NR5A2: variants seen among roughly 807,000 people sequenced by gnomAD.
The protein encoded by NR5A2 is nuclear receptor subfamily 5 group A member 2, also known as CYP7A promoter-binding factor.
In NR5A2, 26 loss-of-function variants were observed where a neutral mutation model predicts 62.7. That is an observed-to-expected ratio of 0.41 (90% confidence interval 0.30 to 0.58). The LOEUF is 0.58. Ranked by LOEUF, NR5A2 falls within the 20% of genes least tolerant of loss-of-function variation. NR5A2 has a pLI of 0.22. For synonymous variants in NR5A2, 246 were observed against 241.7 expected, an observed-to-expected ratio of 1.02 and a Z score of -0.16; for missense variants, 541 against 669.1, an observed-to-expected ratio of 0.81 and a Z score of 2.11.
At chr1:200,145,307 CA>C (rs933090971) in intron 7 of NR5A2, among the ~76,000 whole-genome samples, 1 of 151,170 alleles carries the variant, frequency 6.6e-6, no homozygotes, top group East Asian at 1.9e-4. Flanking sequence ...AGGACTGTCT[CA>C]AAAAAAAATT....
chr1:200,155,256 C>G (rs559636491), intron 7 of NR5A2, among the ~76,000 whole-genome samples: 12 of 152,342 alleles, frequency 7.9e-5, no homozygotes, highest in Admixed American at 7.8e-4. Context: ...GTTCTGTGCA[C>G]ACAATCTAAC....
intron 4 of NR5A2, among the ~76,000 whole-genome samples, chr1:200,046,861 A>G (rs1313250786): frequency 6.6e-6 from 1 of 152,190 alleles, no homozygotes; most frequent in Non-Finnish European, 1.5e-5. Flanking sequence ...ACCTTAAATA[A>G]TTAAACTTTC....
intron 5 of NR5A2, among the ~76,000 whole-genome samples, chr1:200,076,998 T>C (rs989620282): frequency 5.9e-5 from 9 of 152,212 alleles, no homozygotes; most frequent in Non-Finnish European, 1.0e-4. Context: ...GACCATGTCA[T>C]GTGACATGTA....
At chr1:200,106,276 C>T (rs1017130260) in intron 5 of NR5A2, among the ~76,000 whole-genome samples, 1 of 152,084 alleles carries the variant, frequency 6.6e-6, no homozygotes, top group Non-Finnish European at 1.5e-5. Flanking sequence ...CCAGGCTGGT[C>T]TCGAACTCCT....
intron 6 of NR5A2, 39 bp from the exon 7 acceptor site, chr1:200,120,769 G>T: frequency 6.7e-7 from 1 of 1,503,528 alleles, no homozygotes; most frequent in Non-Finnish European, 8.9e-7. Flanking sequence ...ACATATTGCT[G>T]ATTCTGATAG....
intron 2 of NR5A2, chr1:200,043,134 G>A: frequency 4.8e-6 from 2 of 420,248 alleles, no homozygotes; most frequent in Non-Finnish European, 6.4e-6. Flanking sequence ...ATTTTCAAAC[G>A]TAAGGAGATG....
At chr1:200,113,014 G>A (rs1666030635) in intron 6 of NR5A2, among the ~76,000 whole-genome samples, 1 of 151,974 alleles carries the variant, frequency 6.6e-6, no homozygotes, top group Non-Finnish European at 1.5e-5. Context: ...CGTGGGTGAG[G>A]GTAATTACTA....
At chr1:200,130,461 G>A (rs1666925336) in intron 7 of NR5A2, among the ~76,000 whole-genome samples, 1 of 152,198 alleles carries the variant, frequency 6.6e-6, no homozygotes, top group African/African-American at 2.4e-5. Context: ...CAAATCTACA[G>A]CTGCTCTAGA....
At chr1:200,120,252 T>C (rs1044194956) in intron 6 of NR5A2, among the ~76,000 whole-genome samples, 10 of 152,216 alleles carry the variant, frequency 6.6e-5, no homozygotes, top group African/African-American at 2.4e-4. Context: ...TAGAAATATA[T>C]CTGCCTTTAT....
chr1:200,112,929 T>C (rs1043078321), intron 6 of NR5A2, among the ~76,000 whole-genome samples: 1 of 152,256 alleles, frequency 6.6e-6, no homozygotes, highest in African/African-American at 2.4e-5. Flanking sequence ...TGCCGTTCTT[T>C]TTCTCAAAGC....
intron 5 of NR5A2, among the ~76,000 whole-genome samples, chr1:200,094,684 C>T (rs1664992792): frequency 6.6e-6 from 1 of 151,708 alleles, no homozygotes; most frequent in Admixed American, 6.6e-5. Context: ...AGGCACCTGC[C>T]ACCACGCCTG....
At chr1:200,029,003 G>A (rs1423642612) in intron 1 of NR5A2, 3 of 427,288 alleles carry the variant, frequency 7.0e-6, no homozygotes, top group Admixed American at 5.1e-5. Context: ...AAGGTAAGCA[G>A]GGTGTAACAC....
At chr1:200,038,613 G>A (rs955252231) in intron 1 of NR5A2, 6 of 879,344 alleles carry the variant, frequency 6.8e-6, no homozygotes, top group South Asian at 4.0e-5. Flanking sequence ...TTAAGTGGGT[G>A]TTTAACTCCC....
chr1:200,104,280 A>G (rs1665539934), intron 5 of NR5A2, among the ~76,000 whole-genome samples: 1 of 152,192 alleles, frequency 6.6e-6, no homozygotes, highest in Admixed American at 6.5e-5. Flanking sequence ...TCTCTTGTAC[A>G]GTAGTGTTTT....
intron 5 of NR5A2, among the ~76,000 whole-genome samples, chr1:200,104,075 C>T (rs937343185): frequency 2.0e-5 from 3 of 152,090 alleles, no homozygotes; most frequent in Admixed American, 2.0e-4. Context: ...ATTGGAGAAA[C>T]ATGGAAAGGG....
At chr1:200,083,707 C>T (rs1430371349) in intron 5 of NR5A2, among the ~76,000 whole-genome samples, 3 of 152,212 alleles carry the variant, frequency 2.0e-5, no homozygotes, top group Non-Finnish European at 2.9e-5. Context: ...TGGCTCATGC[C>T]TGTAACTCCA....
At chr1:200,165,036 C>T (rs1653833035) in intron 7 of NR5A2, among the ~76,000 whole-genome samples, 1 of 151,720 alleles carries the variant, frequency 6.6e-6, no homozygotes, top group African/African-American at 2.4e-5. Context: ...ACCACCACAC[C>T]CAGCTAATTT....
chr1:200,136,884 C>CT (rs1360742705), intron 7 of NR5A2, among the ~76,000 whole-genome samples: 1 of 152,196 alleles, frequency 6.6e-6, no homozygotes, highest in East Asian at 1.9e-4. Flanking sequence ...AGTATCACAG[C>CT]TTTTATCACC....
intron 5 of NR5A2, among the ~76,000 whole-genome samples, chr1:200,097,234 A>T (rs147392627): frequency 0.01 from 1,537 of 152,206 alleles, 26 homozygotes; most frequent in African/African-American, 0.035. Flanking sequence ...TTTAAAATAA[A>T]CCTTTGTCAG....
Sources: gnomAD v4.1 joint callset for allele counts (sites outside exome capture counted in the v4.1 genomes callset) on GRCh38, gnomAD v4.1.1 for gene constraint, MANE v1.5 for transcripts, NCBI Gene and HGNC (gene_info 2026-07-23, HGNC 2026-07-21) for gene names.